SLC36A1: variants seen among roughly 807,000 people sequenced by gnomAD.
The protein encoded by SLC36A1 is proton-coupled amino acid transporter 1.
Under a neutral mutation model 47.5 loss-of-function variants are expected in SLC36A1, and 30 were observed. The observed-to-expected ratio is 0.63, with a 90% CI of 0.47 to 0.86. SLC36A1 has a LOEUF of 0.86. SLC36A1 is among the 40% of genes least tolerant of loss of function. The probability of loss-of-function intolerance (pLI) is 0.00; values close to 1 mark genes in which losing one functional copy is unlikely to be tolerated. For missense variants in SLC36A1, 517 were observed against 606.0 expected (o/e 0.85, Z 1.54); for synonymous variants, 255 against 249.7 (o/e 1.02, Z -0.20).
the SLC36A1 span, among the ~76,000 whole-genome samples, chr5:151,519,005 G>A: frequency 6.6e-6 from 1 of 152,162 alleles, no homozygotes; most frequent in African/African-American, 2.4e-5. Flanking sequence ...GCCAAAAGGA[G>A]GAGAAGAAAG....
chr5:151,527,877 T>A, the SLC36A1 span: 1 of 1,319,748 alleles, frequency 7.6e-7, no homozygotes, highest in Non-Finnish European at 1.0e-6. Context: ...AGAGACATTC[T>A]GGGAAGGTCT....
chr5:151,546,700 ATTTTTAACCAT>A, the SLC36A1 span, among the ~76,000 whole-genome samples: 1 of 152,054 alleles, frequency 6.6e-6, no homozygotes, highest in African/African-American at 2.4e-5. Context: ...ATCATACAGA[ATTTTTAACCAT>A]CTTTTGTATA....
rs150803763 is a variant in SLC36A1, at chr5:151,449,205, C to G, written c.-6+1392C>G. ...AAATCCTCCTCCTCTTTCTTCCTAT[C>G]TCTGTATTATGTCTAAGCTAAATAC... On this transcript the variant is annotated intron_variant, in intron 1 of 10. Coordinates refer to ENST00000243389, the MANE Select transcript of SLC36A1 (RefSeq NM_078483.4). Among the ~76,000 whole-genome samples, 21 of 152,304 alleles carry G rather than the reference C, an allele frequency of 1.4e-4. 1 individual carries two copies. Among genetic ancestry groups the G allele is most frequent in the Non-Finnish European group, 2.5e-4 (17 of 68,014 alleles).
chr5:151,350,925 T>G, the SLC36A1 span, among the ~76,000 whole-genome samples: 2 of 152,208 alleles, frequency 1.3e-5, no homozygotes, highest in Non-Finnish European at 2.9e-5. Flanking sequence ...CTTGAATTCC[T>G]GAGCCCGCCT....
chr5:151,442,972 A>C (rs1752710378), upstream of SLC36A1, among the ~76,000 whole-genome samples: 1 of 152,182 alleles, frequency 6.6e-6, no homozygotes, highest in African/African-American at 2.4e-5. Flanking sequence ...GGCAAATGGC[A>C]GGACTCCTTT....
the SLC36A1 span, among the ~76,000 whole-genome samples, chr5:151,420,527 T>A: frequency 6.6e-6 from 1 of 152,188 alleles, no homozygotes; most frequent in South Asian, 2.1e-4. Context: ...TGCCGCCCCT[T>A]GGAGTAATGA....
chr5:151,372,614 C>CAT, the SLC36A1 span, among the ~76,000 whole-genome samples: 10 of 151,736 alleles, frequency 6.6e-5, no homozygotes, highest in East Asian at 3.9e-4. Flanking sequence ...CATCTATTTT[C>CAT]ATATATATAT....
At chr5:151,485,466 G>A (rs911146835) in intron 10 of SLC36A1, among the ~76,000 whole-genome samples, 8 of 152,194 alleles carry the variant, frequency 5.3e-5, no homozygotes, top group East Asian at 1.9e-4. Flanking sequence ...GCACCATGGT[G>A]CATCCCTGTG....
the SLC36A1 span, among the ~76,000 whole-genome samples, chr5:151,519,069 C>T: frequency 2.6e-5 from 4 of 152,218 alleles, no homozygotes; most frequent in Non-Finnish European, 2.9e-5. Flanking sequence ...TCCAGCTGGA[C>T]GCAGTGGCTC....
chr5:151,426,526 G>T, the SLC36A1 span, among the ~76,000 whole-genome samples: 1 of 152,132 alleles, frequency 6.6e-6, no homozygotes, highest in African/African-American at 2.4e-5. Context: ...GTGCAGTAAA[G>T]AGCAGTATTG....
the SLC36A1 span, among the ~76,000 whole-genome samples, chr5:151,391,989 T>C: frequency 6.6e-6 from 1 of 152,068 alleles, no homozygotes; most frequent in African/African-American, 2.4e-5. Context: ...ACCAGCTCCT[T>C]GTTGTACTTC....
chr5:151,487,687 G>A (rs1759753182), intron 10 of SLC36A1, among the ~76,000 whole-genome samples: 1 of 152,122 alleles, frequency 6.6e-6, no homozygotes, highest in Admixed American at 6.5e-5. Context: ...ATGTAATTTG[G>A]TTCCTTTTGC....
At chr5:151,384,994 GA>G in the SLC36A1 span, among the ~76,000 whole-genome samples, 532 of 94,466 alleles carry the variant, frequency 5.6e-3, 3 homozygotes, top group African/African-American at 0.03. Context: ...GTGGGTGTGT[GA>G]GAGAGAGAGA....
At chr5:151,506,044 A>G in the SLC36A1 span, 1 of 1,562,006 alleles carries the variant, frequency 6.4e-7, no homozygotes, top group Non-Finnish European at 8.6e-7. Flanking sequence ...GGGTATTCCC[A>G]GCGTTCGTTC....
the SLC36A1 span, among the ~76,000 whole-genome samples, chr5:151,351,543 G>A: frequency 6.6e-6 from 1 of 152,148 alleles, no homozygotes; most frequent in African/African-American, 2.4e-5. Context: ...GGCTTCTTCT[G>A]GTGAACGGGA....
chr5:151,545,242 A>C, the SLC36A1 span: 4 of 1,614,170 alleles, frequency 2.5e-6, no homozygotes, highest in Non-Finnish European at 3.4e-6. Context: ...GCTTTTGTCA[A>C]GCACTTGGGT....
At position 151,479,929 on chromosome 5, in the gene SLC36A1, A is replaced by G. The variant is rs997860382; in HGVS notation, c.1159+440A>G. On this transcript the variant is annotated intron_variant, in intron 10 of 10. Transcript: ENST00000243389. ...TCCTTAGATTTCCTTTAGAGGCTTT[A>G]TGATAGTATTCTAGACATTTTTTAA... is the stretch of plus-strand genomic sequence containing the variant. The G allele has an allele frequency of 1.2e-5, 7 of 566,698 alleles. No homozygotes were observed. The African/African-American group carries it at 1.3e-4, about 11-fold the overall frequency. The allele number at this position is 566,698 out of a possible 1,614,324, so 35.1% of individuals were successfully genotyped here.
chr5:151,415,873 A>C, the SLC36A1 span, among the ~76,000 whole-genome samples: 1 of 152,156 alleles, frequency 6.6e-6, no homozygotes, highest in Non-Finnish European at 1.5e-5. Context: ...TGGGAGGCTG[A>C]GGTGGGTGGA....
Position 151,478,855 on chromosome 5 carries a change from A to G in SLC36A1, c.990-465A>G, listed in dbSNP as rs558043032. Among the ~76,000 whole-genome samples, 29 of 151,880 alleles carry G rather than the reference A, an allele frequency of 1.9e-4. No individual in the cohort carries two copies. The South Asian group carries it at 6.0e-3, about 32-fold the overall frequency. On this transcript the variant is annotated intron_variant, in intron 9 of 10. Coordinates refer to ENST00000243389, the MANE Select transcript of SLC36A1 (RefSeq NM_078483.4). Reference sequence around the variant, plus strand: ...TTTCTTTTTTAAGACAAATTGTAGCACTCTGTAGGTACTGTATTGCTTCAT... The same window carrying G: ...TTTCTTTTTTAAGACAAATTGTAGCGCTCTGTAGGTACTGTATTGCTTCAT...
Sources: gnomAD v4.1 joint callset for allele counts (sites outside exome capture counted in the v4.1 genomes callset) on GRCh38, gnomAD v4.1.1 for gene constraint, MANE v1.5 for transcripts, NCBI Gene and HGNC (gene_info 2026-07-23, HGNC 2026-07-21) for gene names.